Variants in AFG2A observed in about 807,000 individuals in gnomAD.
AFG2A encodes ATPase family gene 2 protein homolog A.
chr4:123,244,274 A>G, the AFG2A span, among the ~76,000 whole-genome samples: 5 of 152,182 alleles, frequency 3.3e-5, no homozygotes, highest in African/African-American at 1.2e-4. Flanking sequence ...CTCTGGTGGG[A>G]CTGATAAGAA....
At chr4:123,168,828 C>T in the AFG2A span, among the ~76,000 whole-genome samples, 1 of 152,188 alleles carries the variant, frequency 6.6e-6, no homozygotes, top group Non-Finnish European at 1.5e-5. Context: ...TTACCATGAA[C>T]AGGATCCATT....
At chr4:123,234,346 T>C in the AFG2A span, among the ~76,000 whole-genome samples, 1 of 152,138 alleles carries the variant, frequency 6.6e-6, no homozygotes, top group Non-Finnish European at 1.5e-5. Context: ...TTTATTTCCC[T>C]TTTTGTAAAT....
chr4:122,947,218 A>T, the AFG2A span: 6 of 1,504,708 alleles, frequency 4.0e-6, no homozygotes, highest in Admixed American at 2.4e-5. Context: ...ATTTATTTTC[A>T]TTTTATTTTG....
the AFG2A span, among the ~76,000 whole-genome samples, chr4:123,020,640 C>G: frequency 1.3e-5 from 2 of 151,928 alleles, no homozygotes; most frequent in African/African-American, 2.4e-5. Context: ...GTATTAAAAT[C>G]TTTATATTCT....
the AFG2A span, among the ~76,000 whole-genome samples, chr4:122,967,020 T>C: frequency 3.4e-4 from 52 of 152,354 alleles, no homozygotes; most frequent in African/African-American, 1.2e-3. Flanking sequence ...AATAATACTT[T>C]AATTGCTTTC....
At chr4:123,285,141 T>C in the AFG2A span, among the ~76,000 whole-genome samples, 1 of 151,998 alleles carries the variant, frequency 6.6e-6, no homozygotes, top group Admixed American at 6.6e-5. Context: ...ACTGCTAAGC[T>C]GACCTCACTA....
the AFG2A span, among the ~76,000 whole-genome samples, chr4:122,954,897 C>G: frequency 6.6e-6 from 1 of 152,194 alleles, no homozygotes; most frequent in African/African-American, 2.4e-5. Flanking sequence ...ACATTGGGTC[C>G]CATCCATCAA....
the AFG2A span, among the ~76,000 whole-genome samples, chr4:123,178,074 G>A: frequency 2.0e-5 from 3 of 152,114 alleles, no homozygotes; most frequent in Non-Finnish European, 2.9e-5. Flanking sequence ...AATAATACAG[G>A]AGGAAATACA....
At chr4:122,947,632 T>A in the AFG2A span, 6 of 1,084,720 alleles carry the variant, frequency 5.5e-6, no homozygotes, top group Non-Finnish European at 6.1e-6. Flanking sequence ...TTTGAAAAAA[T>A]TTTTATTGGA....
At chr4:123,004,250 C>G in the AFG2A span, among the ~76,000 whole-genome samples, 1 of 152,212 alleles carries the variant, frequency 6.6e-6, no homozygotes, top group Non-Finnish European at 1.5e-5. Context: ...TCCCTGATCC[C>G]TTGCGCTTCC....
At chr4:122,964,582 A>C in the AFG2A span, among the ~76,000 whole-genome samples, 2 of 152,126 alleles carry the variant, frequency 1.3e-5, no homozygotes, top group African/African-American at 4.8e-5. Context: ...AATTTAGTAC[A>C]TTCCCTTATT....
At chr4:123,268,165 A>G in the AFG2A span, among the ~76,000 whole-genome samples, 1 of 152,120 alleles carries the variant, frequency 6.6e-6, no homozygotes, top group Non-Finnish European at 1.5e-5. Flanking sequence ...TAGACAGTCT[A>G]AAACAAGCAC....
chr4:122,979,075 C>G, the AFG2A span, among the ~76,000 whole-genome samples: 1 of 152,208 alleles, frequency 6.6e-6, no homozygotes, highest in African/African-American at 2.4e-5. Context: ...GTTCCCAGCT[C>G]CCACTGGCTT....
chr4:123,083,424 C>CTG, the AFG2A span, among the ~76,000 whole-genome samples: 136,206 of 151,904 alleles, frequency 0.9, 61,447 homozygotes, highest in East Asian at 0.98. Context: ...TTTCTTCAGT[C>CTG]TTGATGAGAT....
At chr4:123,005,127 A>G in the AFG2A span, among the ~76,000 whole-genome samples, 1 of 151,792 alleles carries the variant, frequency 6.6e-6, no homozygotes, top group Non-Finnish European at 1.5e-5. Context: ...TGTCATTTGT[A>G]TTGATCTTTT....
chr4:123,157,456 G>T, the AFG2A span, among the ~76,000 whole-genome samples: 12 of 152,162 alleles, frequency 7.9e-5, no homozygotes, highest in African/African-American at 2.7e-4. Context: ...TGGTTTCTAT[G>T]TGAATCATTT....
the AFG2A span, chr4:123,090,540 TAAGTA>T: frequency 1.9e-6 from 3 of 1,609,078 alleles, no homozygotes; most frequent in Non-Finnish European, 2.5e-6. Context: ...TATTTGAAGA[TAAGTA>T]AAGATATTTT....
the AFG2A span, chr4:123,260,118 T>A: frequency 2.0e-5 from 3 of 152,142 alleles, no homozygotes; most frequent in Admixed American, 1.3e-4. Context: ...ATGCAACTCA[T>A]GATGTGGCAG....
the AFG2A span, among the ~76,000 whole-genome samples, chr4:122,963,967 C>T: frequency 6.6e-6 from 1 of 151,996 alleles, no homozygotes; most frequent in African/African-American, 2.4e-5. Context: ...TTACCTGGGC[C>T]CTGACTTAGT....
Sources: gnomAD v4.1 joint callset for allele counts (sites outside exome capture counted in the v4.1 genomes callset) on GRCh38, gnomAD v4.1.1 for gene constraint, MANE v1.5 for transcripts, NCBI Gene and HGNC (gene_info 2026-07-23, HGNC 2026-07-21) for gene names.